The following FGF12 variants were observed in gnomAD, a reference collection of about 807,000 sequenced individuals.
The protein encoded by FGF12 is fibroblast growth factor 12B.
A neutral mutation model predicts 23.6 loss-of-function variants in FGF12; 14 were observed. That is an observed-to-expected ratio of 0.59 (90% CI 0.39 to 0.93). The LOEUF (loss-of-function observed/expected upper bound fraction) is 0.93. FGF12 is among the 40% of genes least tolerant of loss of function. The pLI, the probability that FGF12 is intolerant of heterozygous loss-of-function variation, is 0.00. For missense variants in FGF12, 175 were observed against 217.8 expected (o/e 0.80, Z 1.24); for synonymous variants, 62 against 77.3 (o/e 0.80, Z 1.04).
rs1718127121 is a variant in FGF12 at position 192,696,466 on chromosome 3, G to A, written c.13+30715C>T. ...ACAGCTGGTGGAGAAAATAAGAGCA[G>A]GTGGGTTCAGAGAAAAAGGGTTGTT... On this transcript the variant is annotated intron_variant, in intron 2 of 5. Coordinates refer to ENST00000445105, the MANE Select transcript of FGF12 (RefSeq NM_004113.6). 2.0e-5 allele frequency among the ~76,000 whole-genome samples: 3 copies of A among 152,134 alleles called. 1 individual carries two copies. The highest frequency in any genetic ancestry group is 2.0e-4 in the Admixed American group (3 of 15,252).
intron 2 of FGF12, among the ~76,000 whole-genome samples, chr3:192,490,475 G>A (rs1279344971): frequency 6.6e-6 from 1 of 151,758 alleles, no homozygotes; most frequent in Non-Finnish European, 1.5e-5. Flanking sequence ...ATATAAGTGT[G>A]TATGTATACA....
chr3:192,345,839 A>C (rs2366652), intron 3 of FGF12, among the ~76,000 whole-genome samples: 40,969 of 152,040 alleles, frequency 0.27, 5,854 homozygotes, highest in Admixed American at 0.34. Context: ...TCAAAAGGTA[A>C]AAAATCTTTA....
chr3:192,590,197 A>G (rs1713561370), intron 2 of FGF12, among the ~76,000 whole-genome samples: 1 of 151,912 alleles, frequency 6.6e-6, no homozygotes, highest in Non-Finnish European at 1.5e-5. Context: ...AAAACTAGAC[A>G]CCATAGTGAT....
intron 2 of FGF12, among the ~76,000 whole-genome samples, chr3:192,623,064 T>C (rs1157059904): frequency 6.6e-6 from 1 of 152,204 alleles, no homozygotes; most frequent in African/African-American, 2.4e-5. Flanking sequence ...TTCAATTAAA[T>C]CAAATAAACA....
intron 4 of FGF12, among the ~76,000 whole-genome samples, chr3:192,253,644 G>A (rs1268659374): frequency 6.6e-6 from 1 of 152,014 alleles, no homozygotes; most frequent in Admixed American, 6.6e-5. Flanking sequence ...GTTTGGAAGG[G>A]GAAATGGTGT....
At chr3:192,672,723 T>C (rs1356960351) in intron 2 of FGF12, among the ~76,000 whole-genome samples, 1 of 151,032 alleles carries the variant, frequency 6.6e-6, no homozygotes, top group Non-Finnish European at 1.5e-5. Flanking sequence ...TGTTGAACAT[T>C]CTGCTGCCAA....
chr3:192,420,599 C>G (rs1721496017), intron 2 of FGF12, among the ~76,000 whole-genome samples: 1 of 152,146 alleles, frequency 6.6e-6, no homozygotes, highest in Non-Finnish European at 1.5e-5. Context: ...TGTACCCCCT[C>G]TCTCTCTTGC....
At chr3:192,158,384 T>TTC (rs765357293) in intron 5 of FGF12, among the ~76,000 whole-genome samples, 683 of 62,624 alleles carry the variant, frequency 0.011, 8 homozygotes, top group South Asian at 0.022. Context: ...CTTTCTTTCT[T>TTC]TTCTTTCTCT....
intron 2 of FGF12, among the ~76,000 whole-genome samples, chr3:192,528,979 C>A (rs890480947): frequency 1.3e-5 from 2 of 152,286 alleles, no homozygotes; most frequent in African/African-American, 4.8e-5. Flanking sequence ...GCCATGAAGA[C>A]CTCTGACATT....
At chr3:192,175,435 T>G (rs996491270) in intron 4 of FGF12, among the ~76,000 whole-genome samples, 1 of 152,162 alleles carries the variant, frequency 6.6e-6, no homozygotes, top group Admixed American at 6.6e-5. Context: ...TTCTATTCTA[T>G]GTCATGTGTG....
intron 4 of FGF12, among the ~76,000 whole-genome samples, chr3:192,173,092 C>T (rs367683905): frequency 9.3e-5 from 14 of 150,604 alleles, no homozygotes; most frequent in Admixed American, 4.0e-4. Context: ...TAAGCAAATC[C>T]GGAGATAGTA....
chr3:192,302,967 C>A (rs1328180769), intron 4 of FGF12, among the ~76,000 whole-genome samples: 3 of 152,142 alleles, frequency 2.0e-5, no homozygotes, highest in Non-Finnish European at 2.9e-5. Flanking sequence ...GGAAGTCATC[C>A]AAATCAGACA....
chr3:192,521,963 CCGAGG>C (rs1046992129), intron 2 of FGF12, among the ~76,000 whole-genome samples: 3 of 152,040 alleles, frequency 2.0e-5, no homozygotes, highest in African/African-American at 4.8e-5. Flanking sequence ...CTTTGGGAGG[CCGAGG>C]CGGGCGGATC....
chr3:192,506,968 TGAAA>T (rs897098964), intron 2 of FGF12, among the ~76,000 whole-genome samples: 1 of 149,028 alleles, frequency 6.7e-6, no homozygotes, highest in Non-Finnish European at 1.5e-5. Context: ...CTCGGCTCAC[TGAAA>T]GCTCCGCCTC....
At position 192,557,655 on chromosome 3, in the gene FGF12, A is replaced by T. The variant is rs149529853; in HGVS notation, c.13+169526T>A. On this transcript the variant is annotated intron_variant, in intron 2 of 5. Coordinates refer to ENST00000445105, the MANE Select transcript of FGF12 (RefSeq NM_004113.6). ...CTATATTCCCAATGAATACATACGT[A>T]AAAATTCTCAACAAAATGCTAGCAA... is the stretch of plus-strand genomic sequence containing the variant. 1.5e-3 allele frequency among the ~76,000 whole-genome samples: 233 copies of T among 151,872 alleles called. 1 individual carries two copies. The highest frequency in any genetic ancestry group is 5.5e-3 in the African/African-American group (227 of 41,390).
At chr3:192,673,698 C>G (rs995156421) in intron 2 of FGF12, among the ~76,000 whole-genome samples, 1 of 151,266 alleles carries the variant, frequency 6.6e-6, no homozygotes, top group South Asian at 2.1e-4. Context: ...TTCATCCATG[C>G]CCCTGCAAAG....
chr3:192,660,039 T>C (rs972886421), intron 2 of FGF12, among the ~76,000 whole-genome samples: 2 of 152,042 alleles, frequency 1.3e-5, no homozygotes, highest in Non-Finnish European at 2.9e-5. Flanking sequence ...TAAATCATGC[T>C]GCTATAAAGA....
chr3:192,256,574 A>AT (rs1477613289), intron 4 of FGF12, among the ~76,000 whole-genome samples: 2 of 152,140 alleles, frequency 1.3e-5, no homozygotes, highest in Non-Finnish European at 2.9e-5. Context: ...CATATGCCAT[A>AT]TATTTAAAGC....
intron 5 of FGF12, among the ~76,000 whole-genome samples, chr3:192,158,328 CTTTCTCTTTCTTTCTTTCTT>C (rs1279528401): frequency 6.3e-5 from 7 of 110,420 alleles, no homozygotes; most frequent in East Asian, 2.7e-4. Flanking sequence ...TTCTTTCTTT[CTTTCTCTTTCTTTCTTTCTT>C]TCTTTCTTTC....
Sources: gnomAD v4.1 joint callset for allele counts (sites outside exome capture counted in the v4.1 genomes callset) on GRCh38, gnomAD v4.1.1 for gene constraint, MANE v1.5 for transcripts, NCBI Gene and HGNC (gene_info 2026-07-23, HGNC 2026-07-21) for gene names.